RBBP4: variants seen among roughly 807,000 people sequenced by gnomAD.
The protein encoded by RBBP4 is RB binding protein 4, chromatin remodeling factor.
A neutral mutation model predicts 57.2 loss-of-function variants in RBBP4; 3 were observed. That is an observed-to-expected ratio of 0.05 (90% CI 0.02 to 0.14). The LOEUF (loss-of-function observed/expected upper bound fraction) is 0.14. RBBP4 is among the 10% of genes least tolerant of loss of function. RBBP4 has a pLI of 1.00. For missense variants in RBBP4, 107 were observed against 520.6 expected (o/e 0.21, Z 7.73); for synonymous variants, 151 against 171.5 (o/e 0.88, Z 0.93).
At position 32,669,590 on chromosome 1, in the gene RBBP4, GTTTGT is replaced by G. The variant is rs1219645424; in HGVS notation, c.966+31_966+35del. ...TAAGAGAAACTAATGCTACTATTTT[GTTTGT>G]TTTAAGAAAAACCTGCTGGGCGCGG... On this transcript the variant is annotated intron_variant, in intron 8 of 11. Coordinates refer to ENST00000373493, the MANE Select transcript of RBBP4 (RefSeq NM_005610.3). This position sits in a 1 kb window ranked among gnomAD's most constrained non-coding sequence, Gnocchi z 4.9. 1.3e-6 allele frequency: 2 copies of G among 1,581,798 alleles called. No individual in the cohort carries two copies. The highest frequency in any genetic ancestry group is 1.1e-5 in the South Asian group (1 of 87,098).
At chr1:32,675,218 T>C (rs1303394905) in intron 11 of RBBP4, among the ~76,000 whole-genome samples, 1 of 151,596 alleles carries the variant, frequency 6.6e-6, no homozygotes, top group Non-Finnish European at 1.5e-5. Flanking sequence ...TTTTTTTTAG[T>C]AGAGACTGGG....
At position 32,680,183 on chromosome 1, in the gene RBBP4, G is replaced by T. The variant is rs748968329; in HGVS notation, c.*478G>T. The T allele has an allele frequency of 1.2e-5, 13 of 1,094,680 alleles. No individual in the cohort carries two copies. Among genetic ancestry groups the T allele is most frequent in the Non-Finnish European group, 1.4e-5 (13 of 900,684 alleles). 67.8% of individuals were successfully genotyped at this position (1,094,680 alleles called of 1,614,324 possible). On this transcript the variant is annotated 3_prime_UTR_variant, in exon 12 of 12. Coordinates refer to ENST00000373493, the MANE Select transcript of RBBP4 (RefSeq NM_005610.3). ...AAAATCTTGACACCTGACTTTCCAG[G>T]ATGCACATTTTCATACGTAGACCAG...
chr1:32,682,053 T>C lies in RBBP4; in HGVS notation c.*2348T>C. The C allele has an allele frequency of 1.7e-6, 1 of 574,934 alleles. No homozygotes were observed. The highest frequency in any genetic ancestry group is 3.1e-6 in the Non-Finnish European group (1 of 322,506). The allele number at this position is 574,934 out of a possible 1,614,324, so 35.6% of individuals were successfully genotyped here. A position where few individuals can be genotyped will look rare whatever the true frequency, so the allele number is the denominator to read the frequency against. ...GGTGATGGGAGGGATAGTTAAACGT[T>C]TTCTCTGCTAGGTTAACTTCTTACA... On this transcript the variant is annotated 3_prime_UTR_variant, in exon 12 of 12. Coordinates refer to ENST00000373493, the MANE Select transcript of RBBP4 (RefSeq NM_005610.3).
At chr1:32,672,402 T>G (rs1648917812) in intron 8 of RBBP4, 48 bp from the exon 9 acceptor site, 1 of 1,426,186 alleles carries the variant, frequency 7.0e-7, no homozygotes, top group Non-Finnish European at 9.6e-7. Context: ...TTTTTTCCCT[T>G]TATTTTCTAA....
At chr1:32,670,322 C>A (rs1272992130) in intron 8 of RBBP4, among the ~76,000 whole-genome samples, 1 of 152,152 alleles carries the variant, frequency 6.6e-6, no homozygotes, top group East Asian at 1.9e-4. Context: ...GATTTCTCAA[C>A]CCAAGCCTCA....
chr1:32,684,612 A>G lies in RBBP4; in HGVS notation c.*4907A>G, dbSNP rs997241916. On this transcript the variant is annotated 3_prime_UTR_variant, in exon 12 of 12. Coordinates refer to ENST00000373493, the MANE Select transcript of RBBP4 (RefSeq NM_005610.3). ...AAAAGGCATCTTGTCTGTTAACCAC[A>G]GCTTGCTTTAATAGAATCCTGGGAG... 1.9e-6 allele frequency: 1 copy of G among 537,142 alleles called. No individual in the cohort carries two copies. Among genetic ancestry groups the G allele is most frequent in the Admixed American group, 3.3e-5 (1 of 30,632 alleles). The allele number at this position is 537,142 out of a possible 1,614,324, so 33.3% of individuals were successfully genotyped here.
intron 8 of RBBP4, among the ~76,000 whole-genome samples, chr1:32,671,013 C>T (rs1232207806): frequency 1.3e-5 from 2 of 152,122 alleles, no homozygotes; most frequent in Non-Finnish European, 2.9e-5. Context: ...TCCTTAATTG[C>T]TGGTCACTAA....
At chr1:32,655,472 A>G (rs1053368123) in intron 2 of RBBP4, among the ~76,000 whole-genome samples, 1 of 152,168 alleles carries the variant, frequency 6.6e-6, no homozygotes, top group Admixed American at 6.5e-5. Flanking sequence ...AACCTTCTAC[A>G]TACAGGTAAT....
At chr1:32,660,156 A>G (rs879184103) in intron 3 of RBBP4, among the ~76,000 whole-genome samples, 2 of 152,106 alleles carry the variant, frequency 1.3e-5, no homozygotes, top group Admixed American at 1.3e-4. Context: ...TTACCTCTTC[A>G]TATAAGGTAA....
chr1:32,669,367 G>A lies in RBBP4; in HGVS notation c.888+10G>A, dbSNP rs780713462. ...AGGATCAGCTGACAAGGTCAGTTTCGTTTATTTTAATAGAAAACATAATTT... is the reference window on the plus strand; with the variant it reads ...AGGATCAGCTGACAAGGTCAGTTTCATTTATTTTAATAGAAAACATAATTT... On this transcript the variant is annotated intron_variant, in intron 7 of 11. Transcript: ENST00000373493. The surrounding 1 kb of genome is among the most constrained non-coding windows in gnomAD (Gnocchi z 4.9). 7.6e-6 allele frequency: 12 copies of A among 1,589,378 alleles called. No individual in the cohort carries two copies. Among genetic ancestry groups the A allele is most frequent in the Non-Finnish European group, 1.0e-5 (12 of 1,173,804 alleles).
At chr1:32,676,643 G>A (rs1197602686) in intron 11 of RBBP4, among the ~76,000 whole-genome samples, 1 of 149,828 alleles carries the variant, frequency 6.7e-6, no homozygotes, top group Non-Finnish European at 1.5e-5. Flanking sequence ...AAGAAAAGCT[G>A]TTTGCTAAAA....
In RBBP4 at chr1:32,669,890, CAAAAAAAA is replaced by C. The variant is rs68153136; in HGVS notation, c.966+329_966+336del. On this transcript the variant is annotated intron_variant, in intron 8 of 11. Transcript: ENST00000373493. The surrounding 1 kb of genome is among the most constrained non-coding windows in gnomAD (Gnocchi z 4.9). Reference sequence around the variant, plus strand: ...TGGGCGACAGAACGAGAGTCCGTCTCAAAAAAAAAGAAAAAAGAAAAACCTGGATGTAT... The same window carrying C: ...TGGGCGACAGAACGAGAGTCCGTCTCAGAAAAAAGAAAAACCTGGATGTAT... Among the ~76,000 whole-genome samples the C allele has an allele frequency of 2.7e-5, 4 of 148,878 alleles. No individual in the cohort carries two copies. Among genetic ancestry groups the C allele is most frequent in the Non-Finnish European group, 5.9e-5 (4 of 67,948 alleles).
chr1:32,670,512 A>C (rs1648826840), intron 8 of RBBP4, among the ~76,000 whole-genome samples: 1 of 152,236 alleles, frequency 6.6e-6, no homozygotes, highest in Non-Finnish European at 1.5e-5. Context: ...TTGCTACGGC[A>C]CTATGAAAGA....
intron 3 of RBBP4, among the ~76,000 whole-genome samples, chr1:32,661,204 C>A (rs1648390431): frequency 6.6e-6 from 1 of 151,934 alleles, no homozygotes; most frequent in African/African-American, 2.4e-5. Flanking sequence ...AGTGAACATA[C>A]AAGTGCACGT....
intron 3 of RBBP4, among the ~76,000 whole-genome samples, chr1:32,658,568 A>G (rs1305827603): frequency 1.4e-5 from 2 of 141,312 alleles, no homozygotes; most frequent in Admixed American, 7.3e-5. Flanking sequence ...TTTTTTGGAG[A>G]TGGAGTCTCG....
chr1:32,679,982 A>G lies in RBBP4; in HGVS notation c.*277A>G, dbSNP rs1026783657. 35 of 1,196,212 alleles carry G rather than the reference A, an allele frequency of 2.9e-5. No individual in the cohort carries two copies. The African/African-American group carries it at 3.2e-4, about 11-fold the overall frequency. The allele number at this position is 1,196,212 out of a possible 1,614,324, so 74.1% of individuals were successfully genotyped here. On this transcript the variant is annotated 3_prime_UTR_variant, in exon 12 of 12. Coordinates refer to ENST00000373493, the MANE Select transcript of RBBP4 (RefSeq NM_005610.3). ...AGAAAGGGGAATATTATGTGTGATT[A>G]TTTTTCTTCTTATGCTATATCCCCA...
At chr1:32,653,422 TTAAGA>T (rs1183200166) in intron 2 of RBBP4, among the ~76,000 whole-genome samples, 8 of 152,126 alleles carry the variant, frequency 5.3e-5, no homozygotes, top group South Asian at 2.1e-4. Context: ...TCTTTAAAAG[TTAAGA>T]TAATTGCAAA....
rs1197843695 is a variant in RBBP4, at chr1:32,668,730, A to G, written c.485-9A>G. 13 of 1,608,288 alleles carry G rather than the reference A, an allele frequency of 8.1e-6. No homozygotes were observed. The Admixed American group carries it at 2.2e-4, about 27-fold the overall frequency. On this transcript the variant is annotated splice_polypyrimidine_tract_variant and intron_variant, in intron 4 of 11. Transcript: ENST00000373493. ...ACTGGGTAGTCTTGATGTGTCTGTCACTTTGCAGATCCTTCTGGAGAGTGC... is the reference window on the plus strand; with the variant it reads ...ACTGGGTAGTCTTGATGTGTCTGTCGCTTTGCAGATCCTTCTGGAGAGTGC...
At chr1:32,656,429 T>C (rs1648143135) in intron 2 of RBBP4, among the ~76,000 whole-genome samples, 1 of 152,104 alleles carries the variant, frequency 6.6e-6, no homozygotes, top group Non-Finnish European at 1.5e-5. Flanking sequence ...CTTGGCTCAC[T>C]GCAACCTCTG....
Sources: allele counts gnomAD v4.1 joint callset (sites outside exome capture counted in the v4.1 genomes callset), GRCh38; gene constraint gnomAD v4.1.1; non-coding constraint Gnocchi (gnomAD v3.1); transcripts MANE v1.5; gene names NCBI Gene and HGNC (gene_info 2026-07-23, HGNC 2026-07-21).